ANKFN1: variants seen among roughly 807,000 people sequenced by gnomAD.
The protein encoded by ANKFN1 is ankyrin repeat and fibronectin type-III domain-containing protein 1.
A neutral mutation model predicts 108.7 loss-of-function variants in ANKFN1; 74 were observed. The observed-to-expected ratio is 0.68, with a 90% CI of 0.56 to 0.83. The LOEUF (loss-of-function observed/expected upper bound fraction) is 0.83. ANKFN1 is among the 40% of genes least tolerant of loss of function. The pLI, the probability that ANKFN1 is intolerant of heterozygous loss-of-function variation, is 0.00. For missense variants in ANKFN1, 1,505 were observed against 1,382.3 expected, an observed-to-expected ratio of 1.09 and a Z score of -1.41; for synonymous variants, 547 against 516.2, an observed-to-expected ratio of 1.06 and a Z score of -0.81.
chr17:56,101,655 T>C (rs560443116), intron 4 of ANKFN1, among the ~76,000 whole-genome samples: 1 of 152,230 alleles, frequency 6.6e-6, no homozygotes, highest in African/African-American at 2.4e-5. Context: ...TTTTGTAGAA[T>C]GGGACATAGA....
intron 1 of ANKFN1, among the ~76,000 whole-genome samples, chr17:56,186,441 T>G (rs1409246177): frequency 6.6e-6 from 1 of 151,848 alleles, no homozygotes; most frequent in African/African-American, 2.4e-5. Flanking sequence ...TCAAGAGAGG[T>G]TAAGCGGCTT....
chr17:56,085,339 T>C (rs1905298275), intron 4 of ANKFN1, among the ~76,000 whole-genome samples: 1 of 150,588 alleles, frequency 6.6e-6, no homozygotes, highest in Admixed American at 6.6e-5. Context: ...AGTATTCTTG[T>C]CAGAGACACG....
intron 4 of ANKFN1, among the ~76,000 whole-genome samples, chr17:56,138,174 A>G (rs1406138050): frequency 6.6e-6 from 1 of 152,238 alleles, no homozygotes; most frequent in Non-Finnish European, 1.5e-5. Context: ...AGTTAACACT[A>G]TGATTACTCA....
chr17:56,157,932 A>G (rs1402413979), intron 1 of ANKFN1, among the ~76,000 whole-genome samples: 1 of 152,054 alleles, frequency 6.6e-6, no homozygotes, highest in Non-Finnish European at 1.5e-5. Flanking sequence ...CAGTTCTTCA[A>G]CTCCAGGTAA....
chr17:56,317,246 A>T (rs545732046), intron 3 of ANKFN1, among the ~76,000 whole-genome samples: 45 of 152,312 alleles, frequency 3.0e-4, no homozygotes, highest in Admixed American at 9.8e-4. Flanking sequence ...AGGTGTTTTT[A>T]AAAAAGAAAA....
intron 3 of ANKFN1, among the ~76,000 whole-genome samples, chr17:56,236,093 T>C (rs982227157): frequency 6.6e-6 from 1 of 152,072 alleles, no homozygotes; most frequent in Non-Finnish European, 1.5e-5. Flanking sequence ...AGTCTCACTC[T>C]GTCACCCAGG....
chr17:56,319,422 A>G lies in ANKFN1; in HGVS notation c.54-6799A>G, dbSNP rs144126340. 3.5e-3 allele frequency among the ~76,000 whole-genome samples: 537 copies of G among 152,346 alleles called. 4 individuals are homozygous for G. The highest frequency in any genetic ancestry group is 0.012 in the African/African-American group (505 of 41,580). On this transcript the variant is annotated intron_variant, in intron 3 of 20. Transcript: ENST00000682825. The stretch of plus-strand genomic sequence containing the variant: ...CAACATCCTTAAAGTAAACCAGGGC[A>G]CAAAAATCATCTTTGGCTTTGAATC...
chr17:56,448,464 G>A (rs917909577), intron 10 of ANKFN1, among the ~76,000 whole-genome samples: 1 of 152,344 alleles, frequency 6.6e-6, no homozygotes, highest in South Asian at 2.1e-4. Flanking sequence ...TTTAGAGACT[G>A]AGCAGACAGG....
At position 56,319,186 on chromosome 17, in the gene ANKFN1, T is replaced by C. The variant is rs2045293182; in HGVS notation, c.54-7035T>C. Among the ~76,000 whole-genome samples the C allele has an allele frequency of 5.3e-5, 8 of 152,316 alleles. No homozygotes were observed. The South Asian group carries it at 1.7e-3, about 32-fold the overall frequency. On this transcript the variant is annotated intron_variant, in intron 3 of 20. Coordinates refer to ENST00000682825, the MANE Select transcript of ANKFN1 (RefSeq NM_001370326.1). ...AAACCGTTTTGACTTGTCTATTGAA[T>C]AGTCACCTCATGGATTCCAGCTTCC...
intron 3 of ANKFN1, among the ~76,000 whole-genome samples, chr17:56,235,713 G>A (rs1420696375): frequency 6.6e-6 from 1 of 152,084 alleles, no homozygotes; most frequent in Admixed American, 6.6e-5. Flanking sequence ...ATTGGCCTAT[G>A]TGTCTATTTT....
At chr17:56,478,434 C>G (rs1164210332) in intron 16 of ANKFN1, among the ~76,000 whole-genome samples, 1 of 152,158 alleles carries the variant, frequency 6.6e-6, no homozygotes, top group Non-Finnish European at 1.5e-5. Flanking sequence ...CCTCATTCTC[C>G]CTAACTCTAA....
intron 3 of ANKFN1, among the ~76,000 whole-genome samples, chr17:56,237,144 C>T (rs1917214463): frequency 6.6e-6 from 1 of 152,110 alleles, no homozygotes; most frequent in Non-Finnish European, 1.5e-5. Context: ...TTTTAATATG[C>T]TGCTGGATTT....
chr17:56,467,850 GAAAAA>G (rs1568026820), intron 15 of ANKFN1, among the ~76,000 whole-genome samples: 2 of 23,818 alleles, frequency 8.4e-5, no homozygotes, highest in South Asian at 1.1e-3. Context: ...AAGAAAGAAA[GAAAAA>G]GGGAAAGAAA....
intron 8 of ANKFN1, among the ~76,000 whole-genome samples, chr17:56,431,080 CAG>C (rs2048738902): frequency 6.6e-6 from 1 of 152,058 alleles, no homozygotes; most frequent in South Asian, 2.1e-4. Flanking sequence ...AAACCAGAGA[CAG>C]AAACAAAACA....
chr17:56,226,729 T>C (rs1303031448), intron 2 of ANKFN1, among the ~76,000 whole-genome samples: 2 of 152,160 alleles, frequency 1.3e-5, no homozygotes, highest in African/African-American at 4.8e-5. Context: ...CCAGGTGGAA[T>C]TGGAGAGAGT....
chr17:56,073,457 CTTTATAT>C (rs948844508), intron 4 of ANKFN1, among the ~76,000 whole-genome samples: 1 of 152,148 alleles, frequency 6.6e-6, no homozygotes, highest in African/African-American at 2.4e-5. Flanking sequence ...GTGAGTTCAT[CTTTATAT>C]TTTATGCATT....
intron 3 of ANKFN1, among the ~76,000 whole-genome samples, chr17:56,302,648 GAGTTAAA>G (rs932152338): frequency 9.2e-5 from 14 of 152,200 alleles, no homozygotes; most frequent in African/African-American, 3.4e-4. Flanking sequence ...ATAGAGAACA[GAGTTAAA>G]AGTTAAAGTT....
intron 3 of ANKFN1, among the ~76,000 whole-genome samples, chr17:56,314,457 A>G (rs964872539): frequency 2.6e-5 from 4 of 152,182 alleles, no homozygotes; most frequent in African/African-American, 9.7e-5. Context: ...GTGGGTGTAA[A>G]CTAGTATCTC....
chr17:56,394,674 A>G (rs1019905110), intron 8 of ANKFN1, among the ~76,000 whole-genome samples: 2 of 151,920 alleles, frequency 1.3e-5, no homozygotes, highest in African/African-American at 4.8e-5. Flanking sequence ...GTGAGCTTCC[A>G]GTGGCCACAG....
Sources: gnomAD v4.1 joint callset for allele counts (sites outside exome capture counted in the v4.1 genomes callset) on GRCh38, gnomAD v4.1.1 for gene constraint, MANE v1.5 for transcripts, NCBI Gene and HGNC (gene_info 2026-07-23, HGNC 2026-07-21) for gene names.